Variants in MEGF10 observed in about 807,000 individuals in gnomAD.
MEGF10 encodes multiple epidermal growth factor-like domains protein 10.
Under a neutral mutation model 147.5 loss-of-function variants are expected in MEGF10, and 86 were observed. That is an observed-to-expected ratio of 0.58 (90% CI 0.49 to 0.70). MEGF10 has a LOEUF of 0.70. Ranked by LOEUF, MEGF10 falls within the 30% of genes least tolerant of loss-of-function variation. MEGF10 has a pLI of 0.00. For synonymous variants in MEGF10, 478 were observed against 525.5 expected, an observed-to-expected ratio of 0.91 and a Z score of 1.24; for missense variants, 1,329 against 1,487.3, an observed-to-expected ratio of 0.89 and a Z score of 1.75.
rs767495543 is a variant in MEGF10, at chr5:127,372,588, A to G, written c.412+2586A>G. On this transcript the variant is annotated intron_variant, in intron 5 of 24. Transcript: ENST00000503335. ...TCTCCCCTGTCTTCTCTGGTCTGTG[A>G]CAGTTTCTCAGTCTTTCCTTGTTTT... Among the ~76,000 whole-genome samples, 302 of 152,278 alleles carry G rather than the reference A, an allele frequency of 2.0e-3. 2 individuals are homozygous for G. Among genetic ancestry groups the G allele is most frequent in the Non-Finnish European group, 3.6e-3 (246 of 68,018 alleles).
chr5:127,435,564 A>G, intron 16 of MEGF10, 75 bp downstream of exon 16: 1 of 1,395,712 alleles, frequency 7.2e-7, no homozygotes, highest in Non-Finnish European at 9.7e-7. Context: ...TTGAAGTATG[A>G]GTGTTTTTAT....
In MEGF10 at chr5:127,369,890, A is replaced by G. The variant is rs757606914; in HGVS notation, c.320-20A>G. 2.5e-6 allele frequency: 4 copies of G among 1,585,558 alleles called. No homozygotes were observed. Among genetic ancestry groups the G allele is most frequent in the East Asian group, 4.5e-5 (2 of 44,006 alleles). ...TTCTTGTGCCAACTTTCTTTATTTGATTGATTTTCTCTCTGACAGCCCACT... is the reference window on the plus strand; with the variant it reads ...TTCTTGTGCCAACTTTCTTTATTTGGTTGATTTTCTCTCTGACAGCCCACT... On this transcript the variant is annotated intron_variant, in intron 4 of 24. Transcript: ENST00000503335.
chr5:127,378,537 C>T (rs1056475955), intron 5 of MEGF10, among the ~76,000 whole-genome samples: 1 of 152,164 alleles, frequency 6.6e-6, no homozygotes. Context: ...ACTGCAGCCT[C>T]GACCTCCTGG....
intron 6 of MEGF10, among the ~76,000 whole-genome samples, chr5:127,397,828 C>T (rs952756687): frequency 2.6e-5 from 4 of 152,016 alleles, no homozygotes; most frequent in South Asian, 2.1e-4. Flanking sequence ...CCATGCGACA[C>T]GTGGGTGGGT....
intron 5 of MEGF10, among the ~76,000 whole-genome samples, chr5:127,386,356 C>A (rs1021134107): frequency 2.6e-5 from 4 of 152,214 alleles, no homozygotes; most frequent in African/African-American, 4.8e-5. Context: ...TGGTGCCTCT[C>A]AATTTGGCAA....
the MEGF10 span, among the ~76,000 whole-genome samples, chr5:127,245,007 T>C: frequency 6.6e-6 from 1 of 152,126 alleles, no homozygotes; most frequent in Non-Finnish European, 1.5e-5. Flanking sequence ...GAAGAATCAA[T>C]ATTGTTAAAA....
intron 1 of MEGF10, among the ~76,000 whole-genome samples, chr5:127,324,317 A>G (rs75074415): frequency 0.018 from 2,748 of 152,312 alleles, 71 homozygotes; most frequent in East Asian, 0.11. Context: ...ATATGATTTT[A>G]TTCATCAAAG....
chr5:127,403,118 T>C (rs1478779802), intron 8 of MEGF10, among the ~76,000 whole-genome samples: 1 of 152,140 alleles, frequency 6.6e-6, no homozygotes, highest in South Asian at 2.1e-4. Context: ...TATTGTGTGG[T>C]GGCGATAGAG....
At chr5:127,437,916 C>T (rs1040446542) in intron 16 of MEGF10, among the ~76,000 whole-genome samples, 4 of 152,190 alleles carry the variant, frequency 2.6e-5, no homozygotes, top group Non-Finnish European at 2.9e-5. Flanking sequence ...CTCAAATGTC[C>T]TCTCCTCACA....
At chr5:127,404,484 T>A (rs1164260854) in intron 8 of MEGF10, among the ~76,000 whole-genome samples, 1 of 152,132 alleles carries the variant, frequency 6.6e-6, no homozygotes, top group East Asian at 1.9e-4. Context: ...TTTATCTCAT[T>A]CTGTGGGCTG....
the MEGF10 span, among the ~76,000 whole-genome samples, chr5:127,275,816 G>A: frequency 5.3e-5 from 8 of 152,256 alleles, no homozygotes; most frequent in South Asian, 1.0e-3. Context: ...TGTTGACACC[G>A]AGAGTAGACT....
chr5:127,365,848 A>C (rs1464431751), intron 4 of MEGF10, among the ~76,000 whole-genome samples: 1 of 152,242 alleles, frequency 6.6e-6, no homozygotes, highest in Non-Finnish European at 1.5e-5. Flanking sequence ...CTTTTAAAAA[A>C]AGAAGAAAGG....
chr5:127,347,376 T>G (rs1342938231), intron 4 of MEGF10, among the ~76,000 whole-genome samples: 1 of 152,096 alleles, frequency 6.6e-6, no homozygotes, highest in Non-Finnish European at 1.5e-5. Context: ...CCAAACACAT[T>G]CCAATATATT....
At chr5:127,338,186 A>T (rs1761540938) in intron 2 of MEGF10, among the ~76,000 whole-genome samples, 1 of 152,080 alleles carries the variant, frequency 6.6e-6, no homozygotes, top group Non-Finnish European at 1.5e-5. Flanking sequence ...GCAGCAAATG[A>T]GTCTGTGATT....
the MEGF10 span, among the ~76,000 whole-genome samples, chr5:127,261,847 TC>T: frequency 6.6e-6 from 1 of 152,220 alleles, no homozygotes; most frequent in African/African-American, 2.4e-5. Flanking sequence ...GATTTGCATT[TC>T]CCTAATGTCT....
rs940466347 is a variant in MEGF10 at position 127,331,404 on chromosome 5, T to C, written c.96T>C (p.Asn32=). The C allele has an allele frequency of 3.1e-6, 5 of 1,609,392 alleles. No homozygotes were observed. The highest frequency in any genetic ancestry group is 4.3e-6 in the Non-Finnish European group (5 of 1,175,968). Residue 32 remains asparagine, a synonymous_variant, in exon 2 of 25, where the codon AAT becomes AAC. Transcript: ENST00000503335. ...CACCTCTGAATCTTGAAGACCCTAA[T>C]GTGTGTAGCCACTGGGAAAGGTAAT... ...TASPLNLEDP[N]VCSHWESYSV... is the part of the protein sequence containing the mutation.
intron 24 of MEGF10, among the ~76,000 whole-genome samples, chr5:127,456,437 C>G (rs1205770656): frequency 6.6e-6 from 1 of 152,162 alleles, no homozygotes; most frequent in African/African-American, 2.4e-5. Flanking sequence ...CTCTCTCTCT[C>G]TGTCTCTATT....
chr5:127,304,011 C>T (rs74503530), intron 1 of MEGF10, among the ~76,000 whole-genome samples: 2,637 of 152,290 alleles, frequency 0.017, 60 homozygotes, highest in African/African-American at 0.052. Flanking sequence ...TTAATTTCTA[C>T]TCAAGGATTT....
At chr5:127,400,982 ACCTTC>A (rs1764106940) in intron 7 of MEGF10, among the ~76,000 whole-genome samples, 7 of 152,192 alleles carry the variant, frequency 4.6e-5, no homozygotes, top group Admixed American at 2.0e-4. Flanking sequence ...AGACACACAT[ACCTTC>A]ATATTGAAAC....
Sources: gnomAD v4.1 joint callset for allele counts (sites outside exome capture counted in the v4.1 genomes callset) on GRCh38, gnomAD v4.1.1 for gene constraint, MANE v1.5 for transcripts, NCBI Gene and HGNC (gene_info 2026-07-23, HGNC 2026-07-21) for gene names.